The following EPB41L3 variants were observed in gnomAD, a reference collection of about 807,000 sequenced individuals.
EPB41L3 encodes erythrocyte membrane protein band 4.1 like 3, also known as band 4.1-like protein 3.
In EPB41L3, 57 loss-of-function variants were observed where a neutral mutation model predicts 127.1. The ratio of observed to expected loss-of-function variants is 0.45; its 90% CI spans 0.36 to 0.56. The LOEUF is 0.56. Among genes scored for constraint, EPB41L3 ranks in the 20% least tolerant of loss-of-function variants. The probability of loss-of-function intolerance (pLI) is 0.00; values close to 1 mark genes in which losing one functional copy is unlikely to be tolerated. For missense variants in EPB41L3, 1,273 were observed against 1,372.2 expected, an observed-to-expected ratio of 0.93 and a Z score of 1.14; for synonymous variants, 572 against 549.5, an observed-to-expected ratio of 1.04 and a Z score of -0.57.
At position 5,416,149 on chromosome 18, in the gene EPB41L3, G is replaced by A. The variant is rs1400641976; in HGVS notation, c.1736C>T (p.Thr579Ile). 4 of 1,613,898 alleles carry A rather than the reference G, an allele frequency of 2.5e-6. No homozygotes were observed. The African/African-American group carries it at 4.0e-5, about 16-fold the overall frequency. Residue 579 changes from threonine (T) to isoleucine (I), a missense_variant, in exon 13 of 23, where the codon ACT (threonine) becomes ATT (isoleucine). Transcript: ENST00000341928. Reference protein sequence around the residue: ...QDVAFSYRQQTGKGTTLFSFS... With the variant: ...QDVAFSYRQQIGKGTTLFSFS... The stretch of plus-strand genomic sequence containing the variant: ...GGAGAACAGGGTGGTCCCCTTGCCA[G>A]TTTGCTGTCTGTAGCTAAAAGCCAC...
intron 3 of EPB41L3, among the ~76,000 whole-genome samples, chr18:5,456,261 A>C (rs1479216881): frequency 1.3e-5 from 2 of 152,222 alleles, no homozygotes; most frequent in African/African-American, 4.8e-5. Flanking sequence ...CTATGTACTA[A>C]GTGAATCTGT....
At chr18:5,424,960 T>C (rs2077965437) in intron 9 of EPB41L3, among the ~76,000 whole-genome samples, 1 of 152,200 alleles carries the variant, frequency 6.6e-6, no homozygotes, top group Non-Finnish European at 1.5e-5. Context: ...GAACATATTT[T>C]CATATTTTTC....
intron 9 of EPB41L3, among the ~76,000 whole-genome samples, chr18:5,426,182 T>A (rs1383487903): frequency 1.3e-5 from 2 of 152,248 alleles, no homozygotes; most frequent in African/African-American, 4.8e-5. Context: ...ATTCCATGTC[T>A]AAGGCCTTGA....
In EPB41L3 at chr18:5,462,986, A is replaced by G. The variant is rs545088045; in HGVS notation, c.381+15255T>C. 9.2e-5 allele frequency among the ~76,000 whole-genome samples: 14 copies of G among 152,306 alleles called. No homozygotes were observed. The East Asian group carries it at 2.5e-3, about 27-fold the overall frequency. On this transcript the variant is annotated intron_variant, in intron 3 of 22. Transcript: ENST00000341928. Reference sequence around the variant, plus strand: ...AGTACAACTCTCTATGCAATCACTTAGTCCACAAATCTCGAAGTCATTATC... The same window carrying G: ...AGTACAACTCTCTATGCAATCACTTGGTCCACAAATCTCGAAGTCATTATC...
chr18:5,452,913 A>C (rs2082486669), intron 3 of EPB41L3, among the ~76,000 whole-genome samples: 1 of 152,094 alleles, frequency 6.6e-6, no homozygotes. Flanking sequence ...AAATGTCTTG[A>C]TCTCCCCTTT....
intron 1 of EPB41L3, chr18:5,508,142 T>G (rs1037609807): frequency 6.6e-6 from 1 of 152,192 alleles, no homozygotes; most frequent in Non-Finnish European, 1.5e-5. Context: ...ATCAAGGAAC[T>G]ACAAGTATAA....
At chr18:5,399,304 C>T (rs938042511) in intron 16 of EPB41L3, 1 of 399,078 alleles carries the variant, frequency 2.5e-6, no homozygotes, top group Non-Finnish European at 4.4e-6. Flanking sequence ...ACGGTCACCA[C>T]CTTGTAAGTC....
At chr18:5,441,720 T>A (rs2080811192) in intron 5 of EPB41L3, among the ~76,000 whole-genome samples, 1 of 152,190 alleles carries the variant, frequency 6.6e-6, no homozygotes. Flanking sequence ...CGTCTCGGCC[T>A]CCCAAAGTGC....
At position 5,612,616 on chromosome 18, in the gene EPB41L3, G is replaced by A. The variant is rs542915950; in HGVS notation, c.-394-188C>T. Among the ~76,000 whole-genome samples the A allele has an allele frequency of 2.0e-5, 3 of 152,312 alleles. No homozygotes were observed. The East Asian group carries it at 5.8e-4, about 29-fold the overall frequency. On this transcript the variant is annotated intron_variant, in intron 2 of 21. Transcript: ENST00000545076. ...ATTGGCCGAAGAGAACCCAGGAAGA[G>A]CACAGTTAATCCTCTCTTGTAATTA... is the stretch of plus-strand genomic sequence containing the variant.
intron 14 of EPB41L3, among the ~76,000 whole-genome samples, chr18:5,409,948 G>C (rs1345267397): frequency 6.6e-6 from 1 of 151,924 alleles, no homozygotes; most frequent in African/African-American, 2.4e-5. Flanking sequence ...AGAAATAACA[G>C]TATATCTTCT....
At chr18:5,577,672 G>A (rs2094349721) in intron 3 of EPB41L3, 1 of 164,360 alleles carries the variant, frequency 6.1e-6, no homozygotes, top group African/African-American at 2.4e-5. Flanking sequence ...AAGTGCTGTA[G>A]ATCCCAGCAG....
At chr18:5,505,539 TA>T in intron 1 of EPB41L3, among the ~76,000 whole-genome samples, 1 of 128,452 alleles carries the variant, frequency 7.8e-6, no homozygotes. Flanking sequence ...CCTCCACCCC[TA>T]CCCTCCACAC....
rs2076723552 is a variant in EPB41L3, at chr18:5,415,798, T to C, written c.2067+20A>G. 6.2e-7 allele frequency: 1 copy of C among 1,604,486 alleles called. No homozygotes were observed. The highest frequency in any genetic ancestry group is 8.5e-7 in the Non-Finnish European group (1 of 1,175,906). On this transcript the variant is annotated intron_variant, in intron 13 of 22. Coordinates refer to ENST00000341928, the MANE Select transcript of EPB41L3 (RefSeq NM_012307.5). Reference sequence around the variant, plus strand: ...GCACGGAACACGAAGGGGAAGCGTGTTCTATGCCGAGGTACACACCTCTTC... The same window carrying C: ...GCACGGAACACGAAGGGGAAGCGTGCTCTATGCCGAGGTACACACCTCTTC...
intron 1 of EPB41L3, among the ~76,000 whole-genome samples, chr18:5,523,529 T>G (rs1248439373): frequency 1.3e-5 from 2 of 152,250 alleles, no homozygotes; most frequent in East Asian, 3.8e-4. Flanking sequence ...TCTGGTATGG[T>G]GGCTCACGCC....
At chr18:5,446,235 A>G (rs897540058) in intron 3 of EPB41L3, among the ~76,000 whole-genome samples, 2 of 152,226 alleles carry the variant, frequency 1.3e-5, no homozygotes, top group Non-Finnish European at 2.9e-5. Context: ...TAAACATAAC[A>G]AAATATTCAG....
chr18:5,462,417 C>A (rs1412652018), intron 3 of EPB41L3, among the ~76,000 whole-genome samples: 2 of 152,194 alleles, frequency 1.3e-5, no homozygotes, highest in African/African-American at 4.8e-5. Context: ...ACAATGGTAC[C>A]TTATGCAACC....
intron 1 of EPB41L3, among the ~76,000 whole-genome samples, chr18:5,495,957 G>T (rs1379831596): frequency 6.6e-6 from 1 of 152,196 alleles, no homozygotes; most frequent in East Asian, 1.9e-4. Flanking sequence ...AGGTCTGAGG[G>T]CAGGCAGCCG....
In EPB41L3 at chr18:5,406,849, A is replaced by G. The variant is rs147295760; in HGVS notation, c.2277T>C (p.Leu759=). Reference sequence around the variant, plus strand: ...CGGCCAGTCGCACGGGGGAGGTGGAAAGCCTCTTCTCCCATTCATTCGTTA... The same window carrying G: ...CGGCCAGTCGCACGGGGGAGGTGGAGAGCCTCTTCTCCCATTCATTCGTTA... The part of the protein sequence containing the change: ...TAVTNEWEKR[L]STSPVRLAAR... Residue 759 remains leucine (L), a synonymous_variant, in exon 16 of 23, where the codon CTT becomes CTC. Transcript: ENST00000341928. 6.2e-7 allele frequency: 1 copy of G among 1,614,196 alleles called. No homozygotes were observed. The highest frequency in any genetic ancestry group is 1.7e-5 in the Admixed American group (1 of 60,026).
intron 9 of EPB41L3, 89 bp downstream of exon 9, chr18:5,428,224 G>T: frequency 1.3e-6 from 2 of 1,492,202 alleles, no homozygotes; most frequent in Non-Finnish European, 1.8e-6. Flanking sequence ...GTCCCACAAT[G>T]CTCAGAACTC....
Sources: allele counts gnomAD v4.1 joint callset (sites outside exome capture counted in the v4.1 genomes callset), GRCh38; gene constraint gnomAD v4.1.1; transcripts MANE v1.5; gene names NCBI Gene and HGNC (gene_info 2026-07-23, HGNC 2026-07-21).